TRIM45: variants seen among roughly 807,000 people sequenced by gnomAD.
TRIM45 encodes tripartite motif containing 45, also known as E3 ubiquitin-protein ligase TRIM45.
A neutral mutation model predicts 46.7 loss-of-function variants in TRIM45; 45 were observed. The observed-to-expected ratio is 0.96, with a 90% confidence interval of 0.76 to 1.24. The LOEUF is 1.24. Among genes scored for constraint, TRIM45 ranks in the 50% most tolerant of loss-of-function variants. The pLI, the probability that TRIM45 is intolerant of heterozygous loss-of-function variation, is 0.00. For synonymous variants in TRIM45, 259 were observed against 285.8 expected, an observed-to-expected ratio of 0.91 and a Z score of 0.94; for missense variants, 680 against 728.4, an observed-to-expected ratio of 0.93 and a Z score of 0.77.
chr1:117,121,432 A>C lies in TRIM45; in HGVS notation c.-231T>G. Reference sequence around the variant, plus strand: ...CTTTCCACTGCATCCCACACCAGACACGCCCACGCCCTCCTCTGCCCCGCA... The same window carrying C: ...CTTTCCACTGCATCCCACACCAGACCCGCCCACGCCCTCCTCTGCCCCGCA... On this transcript the variant is annotated 5_prime_UTR_variant, in exon 1 of 6. Transcript: ENST00000256649. The surrounding 1 kb of genome is among the most constrained non-coding windows in gnomAD (Gnocchi z 4.2). The C allele has an allele frequency of 1.9e-6, 1 of 527,832 alleles. No homozygotes were observed. Among genetic ancestry groups the C allele is most frequent in the Admixed American group, 3.6e-5 (1 of 27,872 alleles). 32.7% of individuals were successfully genotyped at this position (527,832 alleles called of 1,614,324 possible). A position where few individuals can be genotyped will look rare whatever the true frequency, so the allele number is the denominator to read the frequency against.
At position 117,121,635 on chromosome 1, in the gene TRIM45, C is replaced by T; in HGVS notation, c.-434G>A. 1.9e-6 allele frequency: 1 copy of T among 514,000 alleles called. No homozygotes were observed. The highest frequency in any genetic ancestry group is 3.4e-6 in the Non-Finnish European group (1 of 290,186). The allele number at this position is 514,000 out of a possible 1,614,324, so 31.8% of individuals were successfully genotyped here. A position where few individuals can be genotyped will look rare whatever the true frequency, so the allele number is the denominator to read the frequency against. On this transcript the variant is annotated 5_prime_UTR_variant, in exon 1 of 6. Transcript: ENST00000256649. This position sits in a 1 kb window ranked among gnomAD's most constrained non-coding sequence, Gnocchi z 4.2. ...GCACGATGAGGTAGGGGCCCTCTTG[C>T]TCCTTCCCTCTGCGAAAGGCGCGCG...
upstream of TRIM45, chr1:117,122,249 T>A (rs1338515340): frequency 6.2e-6 from 1 of 161,478 alleles, no homozygotes; most frequent in Non-Finnish European, 1.3e-5. Flanking sequence ...GCGCCAGACG[T>A]TTCTCCTCCA....
intron 1 of TRIM45, among the ~76,000 whole-genome samples, chr1:117,119,071 T>C (rs1650522712): frequency 6.6e-6 from 1 of 152,236 alleles, no homozygotes; most frequent in East Asian, 1.9e-4. Context: ...CCAAAGAGTT[T>C]AGACAAGAGT....
chr1:117,116,686 C>T lies in TRIM45; in HGVS notation c.1282G>A (p.Ala428Thr), dbSNP rs750775744. 4.3e-6 allele frequency: 7 copies of T among 1,614,092 alleles called. No homozygotes were observed. The highest frequency in any genetic ancestry group is 2.2e-5 in the South Asian group (2 of 91,072). The stretch of plus-strand genomic sequence containing the variant: ...CCTCCCCTGCCCATGATTTCTCCTG[C>T]GGCATCCTTACAAAGCAGGGTGAAA... ...ASFTLLCKDAAGEIMGRGGDN... is the reference protein window; with the variant it reads ...ASFTLLCKDATGEIMGRGGDN... Residue 428 changes from alanine to threonine, a missense_variant, in exon 3 of 6, where the codon GCA becomes ACA. Transcript: ENST00000256649. This position sits in a 1 kb window ranked among gnomAD's most constrained non-coding sequence, Gnocchi z 4.6.
chr1:117,112,068 G>A lies in TRIM45; in HGVS notation c.*237C>T, dbSNP rs1650234439. 1 of 404,348 alleles carries A rather than the reference G, an allele frequency of 2.5e-6. No homozygotes were observed. The highest frequency in any genetic ancestry group is 4.3e-6 in the Non-Finnish European group (1 of 231,292). 25.0% of individuals were successfully genotyped at this position (404,348 alleles called of 1,614,324 possible). A position where few individuals can be genotyped will look rare whatever the true frequency, so the allele number is the denominator to read the frequency against. On this transcript the variant is annotated 3_prime_UTR_variant, in exon 6 of 6. Transcript: ENST00000256649. ...TACAAAATGAAAAGGAGTATCCTGT[G>A]GTAGAAAAAGAACGTTGCCAACCTA...
chr1:117,114,106 C>T (rs1359722685), intron 4 of TRIM45, among the ~76,000 whole-genome samples: 30 of 152,192 alleles, frequency 2.0e-4, no homozygotes, highest in Non-Finnish European at 7.4e-5. Context: ...CCTCTTCTCA[C>T]ATACCAAGCT....
At position 117,113,851 on chromosome 1, in the gene TRIM45, G is replaced by C. The variant is rs1487389173; in HGVS notation, c.1468-366C>G. Among the ~76,000 whole-genome samples, 1 of 152,244 alleles carries C rather than the reference G, an allele frequency of 6.6e-6. No homozygotes were observed. Among genetic ancestry groups the C allele is most frequent in the Non-Finnish European group, 1.5e-5 (1 of 68,042 alleles). ...TAGCTGGGAATAATTGTTCTGGCAA[G>C]ATGGCAGCAAAAGCAGAAGCCCATG... On this transcript the variant is annotated intron_variant, in intron 4 of 5. Transcript: ENST00000256649. The surrounding 1 kb of genome is among the most constrained non-coding windows in gnomAD (Gnocchi z 4.0).
chr1:117,118,798 T>C lies in TRIM45; in HGVS notation c.489-31A>G, dbSNP rs764398062. On this transcript the variant is annotated intron_variant, in intron 1 of 5. Coordinates refer to ENST00000256649, the MANE Select transcript of TRIM45 (RefSeq NM_025188.4). This position sits in a 1 kb window ranked among gnomAD's most constrained non-coding sequence, Gnocchi z 5.7. ...GGCAAACAGAATCAGTAACAGGAAA[T>C]AAGGGGATAATTCTGTTGGGAATAG... The C allele has an allele frequency of 7.6e-5, 121 of 1,592,560 alleles. No homozygotes were observed. The highest frequency in any genetic ancestry group is 1.6e-4 in the East Asian group (7 of 44,664).
At position 117,120,765 on chromosome 1, in the gene TRIM45, C is replaced by G; in HGVS notation, c.437G>C (p.Arg146Thr). Residue 146 changes from arginine to threonine, a missense_variant, in exon 1 of 6, where the codon AGG becomes ACG. Physicochemically the swap from Arg to Thr is moderately conservative, Grantham distance 71. Around this residue, in one of 3 missense-constraint regions of TRIM45, gnomAD observed 349 missense variants for 343.6 expected, o/e 1.02. Transcript: ENST00000256649. ...DLCNDREVEK[R>T]CQTCKANLCH... is the part of the protein sequence containing the mutation. ...GAGGTTGGCTTTGCAGGTCTGACAC[C>G]TCTTCTCTACTTCCCTGTCGTTGCA... 6.2e-7 allele frequency: 1 copy of G among 1,613,874 alleles called. No homozygotes were observed. Among genetic ancestry groups the G allele is most frequent in the South Asian group, 1.1e-5 (1 of 91,046 alleles).
chr1:117,111,433 A>G lies in TRIM45; in HGVS notation c.*872T>C, dbSNP rs1435217239. On this transcript the variant is annotated 3_prime_UTR_variant, in exon 6 of 6. Transcript: ENST00000256649. ...ACTTTCTATTTGTATGCCCTTGACC[A>G]AAGAGTAATCTTCCAGGCTTTGGGG... The G allele has an allele frequency of 6.6e-6, 1 of 152,094 alleles. No individual in the cohort carries two copies. 9.4% of individuals were successfully genotyped at this position (152,094 alleles called of 1,614,324 possible).
In TRIM45 at chr1:117,116,673, A is replaced by G. The variant is rs762315063; in HGVS notation, c.1295T>C (p.Met432Thr). ...LLCKDAAGEI[M>T]GRGGDNVQVA... ...TTGAACGTTGTCTCCTCCCCTGCCC[A>G]TGATTTCTCCTGCGGCATCCTTACA... The change falls in exon 3 of 6, where the codon ATG (methionine) becomes ACG (threonine). Residue 432 changes from methionine to threonine, a missense_variant. This residue lies in a region of TRIM45 where 322 missense variants were observed against 359.3 expected (regional missense o/e 0.90). Transcript: ENST00000256649. The surrounding 1 kb of genome is among the most constrained non-coding windows in gnomAD (Gnocchi z 4.6). 3.1e-6 allele frequency: 5 copies of G among 1,614,010 alleles called. No individual in the cohort carries two copies. The highest frequency in any genetic ancestry group is 1.3e-5 in the African/African-American group (1 of 74,988).
In TRIM45 at chr1:117,121,550, C is replaced by T. The variant is rs959094370; in HGVS notation, c.-349G>A. 5.9e-6 allele frequency: 3 copies of T among 508,864 alleles called. No homozygotes were observed. Among genetic ancestry groups the T allele is most frequent in the East Asian group, 3.6e-5 (1 of 28,082 alleles). 31.5% of individuals were successfully genotyped at this position (508,864 alleles called of 1,614,324 possible). ...GCACCTCTCGCTCCCTCCACTGCCA[C>T]CCCCCTCCCGCCGCCCGCCCCACTG... On this transcript the variant is annotated 5_prime_UTR_variant, in exon 1 of 6. In the 5' UTR this introduces an upstream ATG that the reference lacks. Coordinates refer to ENST00000256649, the MANE Select transcript of TRIM45 (RefSeq NM_025188.4). The surrounding 1 kb of genome is among the most constrained non-coding windows in gnomAD (Gnocchi z 4.2).
chr1:117,113,310 G>T lies in TRIM45; in HGVS notation c.1594+49C>A, dbSNP rs1650287446. The T allele has an allele frequency of 6.2e-7, 1 of 1,602,522 alleles. No homozygotes were observed. The highest frequency in any genetic ancestry group is 8.5e-7 in the Non-Finnish European group (1 of 1,173,998). On this transcript the variant is annotated intron_variant, in intron 5 of 5. Coordinates refer to ENST00000256649, the MANE Select transcript of TRIM45 (RefSeq NM_025188.4). This position sits in a 1 kb window ranked among gnomAD's most constrained non-coding sequence, Gnocchi z 4.0. ...TGTGGTAGGGAAGGGCCCGTCGCTT[G>T]ATTCCCACTGCTGGCAGAAAGGCCC... is the stretch of plus-strand genomic sequence containing the variant.
Position 117,121,626 on chromosome 1 carries a change from G to A in TRIM45, c.-425C>T, listed in dbSNP as rs549858469. 840 of 542,006 alleles carry A rather than the reference G, an allele frequency of 1.5e-3. 4 individuals carry two copies. Among genetic ancestry groups the A allele is most frequent in the African/African-American group, 0.013 (660 of 49,336 alleles). 33.6% of individuals were successfully genotyped at this position (542,006 alleles called of 1,614,324 possible). A position where few individuals can be genotyped will look rare whatever the true frequency, so the allele number is the denominator to read the frequency against. On this transcript the variant is annotated 5_prime_UTR_variant, in exon 1 of 6. Coordinates refer to ENST00000256649, the MANE Select transcript of TRIM45 (RefSeq NM_025188.4). This position sits in a 1 kb window ranked among gnomAD's most constrained non-coding sequence, Gnocchi z 4.2. ...CCCACCCGCGCACGATGAGGTAGGG[G>A]CCCTCTTGCTCCTTCCCTCTGCGAA...
intron 1 of TRIM45, among the ~76,000 whole-genome samples, chr1:117,119,551 G>GA (rs2101353260): frequency 6.6e-6 from 1 of 152,108 alleles, no homozygotes; most frequent in East Asian, 1.9e-4. Flanking sequence ...AGGTTGCAGT[G>GA]AGTGGAGATT....
intron 1 of TRIM45, 100 bp downstream of exon 1, chr1:117,120,614 T>A: frequency 6.7e-7 from 1 of 1,488,176 alleles, no homozygotes; most frequent in Non-Finnish European, 9.0e-7. Flanking sequence ...CCACGGTATT[T>A]GAGAAGGCTT....
intron 5 of TRIM45, among the ~76,000 whole-genome samples, chr1:117,112,713 C>A (rs1024813389): frequency 3.3e-5 from 5 of 151,974 alleles, no homozygotes; most frequent in African/African-American, 1.2e-4. Flanking sequence ...CTGAAGGAGG[C>A]GAACTAGTTT....
chr1:117,123,166 G>T (rs1392399627), upstream of TRIM45, among the ~76,000 whole-genome samples: 1 of 151,990 alleles, frequency 6.6e-6, no homozygotes, highest in Non-Finnish European at 1.5e-5. Context: ...CAAATGTTAA[G>T]CATATCTCCA....
At position 117,120,965 on chromosome 1, in the gene TRIM45, C is replaced by T. The variant is rs1650599684; in HGVS notation, c.237G>A (p.Gln79=). Residue 79 remains glutamine, a synonymous_variant, in exon 1 of 6, where the codon CAG becomes CAA. Coordinates refer to ENST00000256649, the MANE Select transcript of TRIM45 (RefSeq NM_025188.4). ...SDTSSEGSIF[Q]ELKPRSLQSQ... ...ACTGCAGACTTCGTGGCTTGAGTTC[C>T]TGGAATATTGACCCCTCAGAGCTTG... 6.2e-7 allele frequency: 1 copy of T among 1,614,198 alleles called. No individual in the cohort carries two copies.
Sources: gnomAD v4.1 joint callset for allele counts (sites outside exome capture counted in the v4.1 genomes callset) on GRCh38, gnomAD v4.1.1 for gene constraint, gnomAD v4.1.1 regional missense constraint, Gnocchi (gnomAD v3.1) non-coding constraint, MANE v1.5 for transcripts, NCBI Gene and HGNC (gene_info 2026-07-23, HGNC 2026-07-21) for gene names.